SHC2: variants seen among roughly 807,000 people sequenced by gnomAD.
SHC2 encodes SHC adaptor protein 2.
In SHC2, 62 loss-of-function variants were observed where a neutral mutation model predicts 60.6. That is an observed-to-expected ratio of 1.02 (90% CI 0.83 to 1.26). The LOEUF (loss-of-function observed/expected upper bound fraction) is 1.26, where lower values mean the gene tolerates loss of function less well. Among genes scored for constraint, SHC2 ranks in the 50% most tolerant of loss-of-function variants. The probability of loss-of-function intolerance (pLI) is 0.00; values close to 1 mark genes in which losing one functional copy is unlikely to be tolerated. For synonymous variants in SHC2, 375 were observed against 372.4 expected, an observed-to-expected ratio of 1.01 and a Z score of -0.08; for missense variants, 873 against 822.2, an observed-to-expected ratio of 1.06 and a Z score of -0.76.
chr19:422,169 G>A lies in SHC2; in HGVS notation c.1597C>T (p.Leu533=). Residue 533 remains leucine, a synonymous_variant, in exon 11 of 13, where the codon CTG becomes TTG. Transcript: ENST00000264554. This position sits in a 1 kb window ranked among gnomAD's most constrained non-coding sequence, Gnocchi z 5.0. ...ACCACGCCCTCGGGGTCCACGAGCA[G>A]CAGGTGCTTGGGCTGCCCGGCGTGC... ...GMHAGQPKHL[L]LVDPEGVVRT... is the part of the protein sequence containing the mutation. 6.2e-7 allele frequency: 1 copy of A among 1,611,324 alleles called. No homozygotes were observed. Among genetic ancestry groups the A allele is most frequent in the South Asian group, 1.1e-5 (1 of 90,782 alleles).
rs2145723227 is a variant in SHC2, at chr19:438,382, C to T, written c.720+336G>A. 6.6e-6 allele frequency among the ~76,000 whole-genome samples: 1 copy of T among 152,350 alleles called. No individual in the cohort carries two copies. Among genetic ancestry groups the T allele is most frequent in the Non-Finnish European group, 1.5e-5 (1 of 68,024 alleles). ...TTGAGGACTGATAGCCAGGGTTTAT[C>T]CCCGCCCCTCCCCAGGCACTGTGGA... is the stretch of plus-strand genomic sequence containing the variant. On this transcript the variant is annotated intron_variant, in intron 4 of 12. Coordinates refer to ENST00000264554, the MANE Select transcript of SHC2 (RefSeq NM_012435.3). This position sits in a 1 kb window ranked among gnomAD's most constrained non-coding sequence, Gnocchi z 5.0.
At chr19:444,037 GTGGATGGACGGA>G (rs1354934740) in intron 1 of SHC2, among the ~76,000 whole-genome samples, 9 of 142,504 alleles carry the variant, frequency 6.3e-5, no homozygotes, top group African/African-American at 1.3e-4. Flanking sequence ...AGGTGGATGG[GTGGATGGACGGA>G]TGGATGGATG....
intron 1 of SHC2, among the ~76,000 whole-genome samples, chr19:452,605 G>A (rs931965515): frequency 6.6e-5 from 10 of 152,188 alleles, no homozygotes; most frequent in South Asian, 2.1e-4. Context: ...GTTTCACTGC[G>A]GTTGGGGCAT....
chr19:455,863 G>A (rs867366755), intron 1 of SHC2, among the ~76,000 whole-genome samples: 19 of 152,132 alleles, frequency 1.2e-4, no homozygotes, highest in African/African-American at 3.9e-4. Context: ...CGAGGACACC[G>A]GGCCCCCAAA....
intron 11 of SHC2, among the ~76,000 whole-genome samples, chr19:420,840 AG>A (rs1370866351): frequency 6.6e-6 from 1 of 151,754 alleles, no homozygotes; most frequent in African/African-American, 2.4e-5. Context: ...TCACAAGGTC[AG>A]GAGTTCGAGA....
At position 458,313 on chromosome 19, in the gene SHC2, T is replaced by TGGGGAGGCGGAAGTGGGTTCC. The variant is rs1568300656; in HGVS notation, c.468+2215_468+2216insGGAACCCACTTCCGCCTCCCC. Among the ~76,000 whole-genome samples, 36 of 56,418 alleles carry TGGGGAGGCGGAAGTGGGTTCC rather than the reference T, an allele frequency of 6.4e-4. 1 individual carries two copies. Among genetic ancestry groups the TGGGGAGGCGGAAGTGGGTTCC allele is most frequent in the Non-Finnish European group, 1.2e-3 (35 of 29,036 alleles). 37.0% of individuals were successfully genotyped at this position (56,418 alleles called of 152,430 possible). Reference sequence around the variant, plus strand: ...GTCCCGGGGAGGCGGAAGCGGGTCTTGGGGAGGCGGAAGCGGGTTCCGGGG... The same window carrying TGGGGAGGCGGAAGTGGGTTCC: ...GTCCCGGGGAGGCGGAAGCGGGTCTTGGGGAGGCGGAAGTGGGTTCCGGGGAGGCGGAAGCGGGTTCCGGGG... On this transcript the variant is annotated intron_variant, in intron 1 of 12. Coordinates refer to ENST00000264554, the MANE Select transcript of SHC2 (RefSeq NM_012435.3).
chr19:430,205 A>G lies in SHC2; in HGVS notation c.1174+479T>C, dbSNP rs138166990. On this transcript the variant is annotated intron_variant, in intron 9 of 12. Coordinates refer to ENST00000264554, the MANE Select transcript of SHC2 (RefSeq NM_012435.3). ...TATACCCCAACGTGCACAGAAACCTAATACCGTGTGGATGACGCAGTATGT... is the reference window on the plus strand; with the variant it reads ...TATACCCCAACGTGCACAGAAACCTGATACCGTGTGGATGACGCAGTATGT... Among the ~76,000 whole-genome samples the G allele has an allele frequency of 3.0e-3, 451 of 149,364 alleles. 11 individuals are homozygous for G. The highest frequency in any genetic ancestry group is 9.9e-3 in the African/African-American group (395 of 39,852).
In SHC2 at chr19:460,964, CG is replaced by C; in HGVS notation, c.32del (p.Pro11ArgfsTer168). On this transcript the variant is annotated frameshift_variant, in exon 1 of 13. Coordinates refer to ENST00000264554, the MANE Select transcript of SHC2 (RefSeq NM_012435.3). LOFTEE classifies it high-confidence loss of function. MTQGPGGRAP[P>X]APPAPPEPEA... ...CGGGCTCGGGGGGCGCGGGGGGCGC[CG>C]GGGGCGCGCGCCCGCCCGGACCCTG... is the stretch of plus-strand genomic sequence containing the variant. 3.1e-6 allele frequency: 3 copies of C among 981,182 alleles called. No individual in the cohort carries two copies. The highest frequency in any genetic ancestry group is 3.6e-6 in the Non-Finnish European group (3 of 826,880). 60.8% of individuals were successfully genotyped at this position (981,182 alleles called of 1,614,324 possible).
chr19:460,362 G>C (rs1280826710), intron 1 of SHC2, among the ~76,000 whole-genome samples, 167 bp downstream of exon 1: 1 of 152,058 alleles, frequency 6.6e-6, no homozygotes, highest in African/African-American at 2.4e-5. Flanking sequence ...GCCTCCGGGT[G>C]GGGGCAGCCG....
At chr19:454,748 C>T (rs1213370159) in intron 1 of SHC2, among the ~76,000 whole-genome samples, 4 of 152,066 alleles carry the variant, frequency 2.6e-5, no homozygotes, top group Non-Finnish European at 4.4e-5. Context: ...CGAGATCGCG[C>T]CACGGCACTC....
intron 1 of SHC2, among the ~76,000 whole-genome samples, chr19:456,943 C>CT (rs1415949585): frequency 6.8e-6 from 1 of 147,586 alleles, no homozygotes; most frequent in Non-Finnish European, 1.5e-5. Context: ...TGCTGTGCCC[C>CT]GCCCCTAGAA....
At chr19:429,947 C>G (rs1371948845) in intron 9 of SHC2, among the ~76,000 whole-genome samples, 2 of 145,794 alleles carry the variant, frequency 1.4e-5, no homozygotes, top group East Asian at 2.1e-4. Context: ...CCAACGTGCA[C>G]AGAAACCTAA....
intron 1 of SHC2, among the ~76,000 whole-genome samples, chr19:458,239 G>A (rs1222863030): frequency 7.9e-6 from 1 of 126,924 alleles, no homozygotes; most frequent in Non-Finnish European, 1.6e-5. Flanking sequence ...GGCGGAGGGG[G>A]AAGTGGGTTC....
Position 425,629 on chromosome 19 carries a change from G to T in SHC2, c.1175-398C>A, listed in dbSNP as rs1974398192. On this transcript the variant is annotated intron_variant, in intron 9 of 12. Transcript: ENST00000264554. The surrounding 1 kb of genome is among the most constrained non-coding windows in gnomAD (Gnocchi z 4.1). ...ATAATCACAGTAACTCTGCTTCCCTGTAATTATGCTATCAACATGACGCAC... is the reference window on the plus strand; with the variant it reads ...ATAATCACAGTAACTCTGCTTCCCTTTAATTATGCTATCAACATGACGCAC... Among the ~76,000 whole-genome samples, 1 of 152,242 alleles carries T rather than the reference G, an allele frequency of 6.6e-6. No individual in the cohort carries two copies. Among genetic ancestry groups the T allele is most frequent in the South Asian group, 2.1e-4 (1 of 4,834 alleles).
chr19:445,406 G>A lies in SHC2; in HGVS notation c.469-4474C>T, dbSNP rs73507744. 3.9e-5 allele frequency among the ~76,000 whole-genome samples: 6 copies of A among 152,270 alleles called. No homozygotes were observed. The East Asian group carries it at 9.7e-4, about 25-fold the overall frequency. ...CAGACACTGAATCTTCCGGCGCCTC[G>A]ATCGTGGCCCTCCCAGCCTCCAGAA... On this transcript the variant is annotated intron_variant, in intron 1 of 12. Transcript: ENST00000264554. This position sits in a 1 kb window ranked among gnomAD's most constrained non-coding sequence, Gnocchi z 4.4.
Position 424,478 on chromosome 19 carries a change from C to T in SHC2, c.1309+619G>A, listed in dbSNP as rs1347082672. Among the ~76,000 whole-genome samples the T allele has an allele frequency of 6.6e-6, 1 of 152,116 alleles. No homozygotes were observed. The highest frequency in any genetic ancestry group is 1.5e-5 in the Non-Finnish European group (1 of 68,022). On this transcript the variant is annotated intron_variant, in intron 10 of 12. Coordinates refer to ENST00000264554, the MANE Select transcript of SHC2 (RefSeq NM_012435.3). The surrounding 1 kb of genome is among the most constrained non-coding windows in gnomAD (Gnocchi z 4.5). ...ACCCAGAGTCAGCGTGCAAGACCAG[C>T]GGGCCAGGCAGTCGTCCCAGCAGGC...
rs1371822886 is a variant in SHC2, at chr19:418,985, G to A, written c.1692C>T (p.Pro564=). ...GCAGCTCACTCTCGGCGGCCACGAT[G>A]GGCTGCCCGTTCTGCAGGTGGTGGT... ...LIDHHLQNGQ[P]IVAAESELHL... Residue 564 remains proline (P), a synonymous_variant, in exon 12 of 13, where the codon CCC becomes CCT. Transcript: ENST00000264554. 4 of 1,586,114 alleles carry A rather than the reference G, an allele frequency of 2.5e-6. No homozygotes were observed. The Admixed American group carries it at 5.3e-5, about 21-fold the overall frequency.
intron 1 of SHC2, among the ~76,000 whole-genome samples, chr19:458,675 G>T (rs1156524439): frequency 6.8e-6 from 1 of 146,506 alleles, no homozygotes; most frequent in Admixed American, 6.8e-5. Context: ...TGGGTTCCGG[G>T]GGAGGGGGAA....
intron 1 of SHC2, among the ~76,000 whole-genome samples, chr19:454,037 G>A (rs772525340): frequency 9.2e-5 from 14 of 152,234 alleles, no homozygotes; most frequent in Non-Finnish European, 1.8e-4. Context: ...TTTCTCAACA[G>A]AGACATCTTG....
Sources: allele counts gnomAD v4.1 joint callset (sites outside exome capture counted in the v4.1 genomes callset), GRCh38; gene constraint gnomAD v4.1.1; non-coding constraint Gnocchi (gnomAD v3.1); transcripts MANE v1.5; gene names NCBI Gene and HGNC (gene_info 2026-07-23, HGNC 2026-07-21).